The following SSC4D variants were observed in gnomAD, a reference collection of about 807,000 sequenced individuals.
SSC4D encodes the protein scavenger receptor cysteine rich family member with 4 domains.
In SSC4D, 57 loss-of-function variants were observed where a neutral mutation model predicts 63.4. The observed-to-expected ratio is 0.90, with a 90% CI of 0.73 to 1.12. The LOEUF (loss-of-function observed/expected upper bound fraction) is 1.12, where lower values mean the gene tolerates loss of function less well. Among genes scored for constraint, SSC4D ranks in the 50% most tolerant of loss-of-function variants. The pLI is 0.00. For missense variants in SSC4D, 791 were observed against 806.4 expected, an observed-to-expected ratio of 0.98 and a Z score of 0.23; for synonymous variants, 352 against 345.4, an observed-to-expected ratio of 1.02 and a Z score of -0.21.
At chr7:76,390,716 C>G (rs1004406444) in intron 10 of SSC4D, among the ~76,000 whole-genome samples, 1 of 152,200 alleles carries the variant, frequency 6.6e-6, no homozygotes, top group African/African-American at 2.4e-5. Flanking sequence ...ACTTGAGAGG[C>G]TGAGGCAGGA....
intron 10 of SSC4D, among the ~76,000 whole-genome samples, chr7:76,390,828 AAAG>A (rs1804480685): frequency 6.6e-6 from 1 of 151,954 alleles, no homozygotes; most frequent in South Asian, 2.1e-4. Context: ...AAAAAACAAA[AAAG>A]AAGATTGGCG....
chr7:76,390,196 C>T lies in SSC4D; in HGVS notation c.1591G>A (p.Gly531Ser). ...AAPGEAHFGP[G>S]RGPILLDNVK... is the part of the protein sequence containing the mutation. Reference sequence around the variant, plus strand: ...TTGTCCAGGAGAATGGGGCCTCGGCCTGGGCCAAAGTGAGCCTCGCCAGGG... The same window carrying T: ...TTGTCCAGGAGAATGGGGCCTCGGCTTGGGCCAAAGTGAGCCTCGCCAGGG... Residue 531 changes from glycine to serine, a missense_variant, in exon 11 of 11, where the codon GGC becomes AGC. Coordinates refer to ENST00000275560, the MANE Select transcript of SSC4D (RefSeq NM_080744.2). 1 of 1,614,234 alleles carries T rather than the reference C, an allele frequency of 6.2e-7. No homozygotes were observed. The highest frequency in any genetic ancestry group is 1.3e-5 in the African/African-American group (1 of 75,080).
At chr7:76,393,317 G>T in intron 9 of SSC4D, 88 bp downstream of exon 9, 1 of 1,249,818 alleles carries the variant, frequency 8.0e-7, no homozygotes, top group Non-Finnish European at 1.0e-6. Flanking sequence ...AGTGCCGCAA[G>T]AGAGGCCTCG....
intron 10 of SSC4D, among the ~76,000 whole-genome samples, chr7:76,390,768 G>A (rs1804479867): frequency 6.6e-6 from 1 of 152,110 alleles, no homozygotes; most frequent in Admixed American, 6.6e-5. Flanking sequence ...AGTGAGCCGA[G>A]ATCGTGCCAC....
chr7:76,399,820 G>A (rs1160397885), intron 4 of SSC4D, among the ~76,000 whole-genome samples: 1 of 152,056 alleles, frequency 6.6e-6, no homozygotes, highest in Non-Finnish European at 1.5e-5. Flanking sequence ...CACCATGCCC[G>A]GCTGATTGTC....
In SSC4D at chr7:76,400,467, C is replaced by T; in HGVS notation, c.294G>A (p.Gln98=). ...CGGGCAGTGCCAGGCCACAGCCCAG[C>T]TGGCGACACACTACGTTGGCGTCCA... ...DVVDANVVCR[Q]LGCGLALPVP... The change falls in exon 4 of 11, where the codon CAG becomes CAA. Residue 98 remains glutamine (Q), a synonymous_variant. Coordinates refer to ENST00000275560, the MANE Select transcript of SSC4D (RefSeq NM_080744.2). The T allele has an allele frequency of 6.2e-7, 1 of 1,608,466 alleles. No homozygotes were observed. The highest frequency in any genetic ancestry group is 8.5e-7 in the Non-Finnish European group (1 of 1,177,244).
chr7:76,389,663 G>T lies in SSC4D; in HGVS notation c.*396C>A. ...CCCTCTTCTTGGGGATCCCAAGATG[G>T]GTTGGGGGAAGAGGAGATACCCCAT... On this transcript the variant is annotated 3_prime_UTR_variant, in exon 11 of 11. Transcript: ENST00000275560. The T allele has an allele frequency of 5.2e-6, 1 of 192,836 alleles. No individual in the cohort carries two copies. The highest frequency in any genetic ancestry group is 1.1e-5 in the Non-Finnish European group (1 of 92,320). The allele number at this position is 192,836 out of a possible 1,614,324, so 11.9% of individuals were successfully genotyped here.
At position 76,392,061 on chromosome 7, in the gene SSC4D, G is replaced by T. The variant is rs773850995; in HGVS notation, c.1334-20C>A. The T allele has an allele frequency of 1.9e-6, 3 of 1,558,060 alleles. No homozygotes were observed. The East Asian group carries it at 7.2e-5, about 37-fold the overall frequency. On this transcript the variant is annotated intron_variant, in intron 9 of 10. Coordinates refer to ENST00000275560, the MANE Select transcript of SSC4D (RefSeq NM_080744.2). The stretch of plus-strand genomic sequence containing the variant: ...CTGGGCCTGGTTCAGGAAGGACAGA[G>T]ATAAAGAGGTGGCTCTCACAATGGG...
rs1804503892 is a variant in SSC4D, at chr7:76,392,055, G to A, written c.1334-14C>T. The A allele has an allele frequency of 1.3e-6, 2 of 1,561,146 alleles. No individual in the cohort carries two copies. Among genetic ancestry groups the A allele is most frequent in the Middle Eastern group, 1.7e-4 (1 of 5,998 alleles). On this transcript the variant is annotated splice_polypyrimidine_tract_variant and intron_variant, in intron 9 of 10. Transcript: ENST00000275560. ...GCTCCTCTGGGCCTGGTTCAGGAAGGACAGAGATAAAGAGGTGGCTCTCAC... is the reference window on the plus strand; with the variant it reads ...GCTCCTCTGGGCCTGGTTCAGGAAGAACAGAGATAAAGAGGTGGCTCTCAC...
intron 4 of SSC4D, 95 bp from the exon 5 acceptor site, chr7:76,398,892 C>T (rs1467548393): frequency 7.7e-7 from 1 of 1,300,696 alleles, no homozygotes; most frequent in African/African-American, 1.5e-5. Flanking sequence ...CCATAAGGTG[C>T]TTGCCGCCAG....
chr7:76,402,721 G>A (rs1037906700), intron 2 of SSC4D, among the ~76,000 whole-genome samples: 1 of 152,106 alleles, frequency 6.6e-6, no homozygotes, highest in Non-Finnish European at 1.5e-5. Flanking sequence ...CCAGGCTAGA[G>A]TGCAATGGTG....
At chr7:76,399,708 C>T (rs900043406) in intron 4 of SSC4D, among the ~76,000 whole-genome samples, 1 of 151,944 alleles carries the variant, frequency 6.6e-6, no homozygotes, top group Non-Finnish European at 1.5e-5. Flanking sequence ...TCTGATTTTT[C>T]GTAGAGATAA....
rs1271510975 is a variant in SSC4D, at chr7:76,405,339, C to CTTTCTTTCTTTCT, written c.-66-835_-66-834insAGAAAGAAAGAAA. On this transcript the variant is annotated intron_variant, in intron 1 of 10. Transcript: ENST00000275560. ...TATGTATTTTTTTCTTTCTTTCTTT[C>CTTTCTTTCTTTCT]TTTTTTTTTTTTTTTTTTTTTTGGT... Among the ~76,000 whole-genome samples, 79 of 21,384 alleles carry CTTTCTTTCTTTCT rather than the reference C, an allele frequency of 3.7e-3. 11 individuals are homozygous for CTTTCTTTCTTTCT. The highest frequency in any genetic ancestry group is 0.016 in the African/African-American group (76 of 4,724). The allele number at this position is 21,384 out of a possible 152,430, so 14.0% of individuals were successfully genotyped here.
rs767985521 is a variant in SSC4D, at chr7:76,404,307, C to T, written c.133G>A (p.Ala45Thr). 4 of 1,596,766 alleles carry T rather than the reference C, an allele frequency of 2.5e-6. No individual in the cohort carries two copies. Among genetic ancestry groups the T allele is most frequent in the South Asian group, 1.1e-5 (1 of 89,284 alleles). The change falls in exon 2 of 11, where the codon GCC (alanine) becomes ACC (threonine). Residue 45 changes from alanine (A) to threonine (T), a missense_variant and splice_region_variant. Physicochemically the swap from Ala to Thr is moderately conservative, Grantham distance 58. Transcript: ENST00000275560. ...ALSFLLLLPL[A>T]SALQPTPLPF... The stretch of plus-strand genomic sequence containing the variant: ...CAAGGGCTAACAGGGGAGGACTCAC[C>T]CAGTGGCAGGAGGAGAAGGAAAGAC...
intron 6 of SSC4D, among the ~76,000 whole-genome samples, chr7:76,396,007 C>T (rs1469246307): frequency 2.6e-5 from 4 of 152,260 alleles, no homozygotes; most frequent in African/African-American, 9.6e-5. Flanking sequence ...TTATCCCCCT[C>T]TTACAGAGAA....
rs1804937463 is a variant in SSC4D, at chr7:76,404,519, T to C, written c.-66-14A>G. ...CAGTTGGAACATCTGAAATTAAAGA[T>C]CCCAAATGTTGCTGGGCCTCCCAGC... On this transcript the variant is annotated splice_polypyrimidine_tract_variant and intron_variant, in intron 1 of 10. Transcript: ENST00000275560. 1 of 1,606,716 alleles carries C rather than the reference T, an allele frequency of 6.2e-7. No homozygotes were observed. The highest frequency in any genetic ancestry group is 8.5e-7 in the Non-Finnish European group (1 of 1,177,478).
intron 2 of SSC4D, among the ~76,000 whole-genome samples, chr7:76,401,832 C>A (rs1299727913): frequency 2.6e-5 from 4 of 152,190 alleles, no homozygotes; most frequent in Non-Finnish European, 4.4e-5. Flanking sequence ...ATACCCAGGC[C>A]TCTTTCAGGG....
intron 2 of SSC4D, among the ~76,000 whole-genome samples, chr7:76,403,754 C>A (rs1203384453): frequency 6.7e-6 from 1 of 150,100 alleles, no homozygotes; most frequent in African/African-American, 2.5e-5. Flanking sequence ...CTCCACTTCC[C>A]AGGTTCAAGT....
chr7:76,400,150 G>A, intron 4 of SSC4D, 136 bp downstream of exon 4: 1 of 1,002,350 alleles, frequency 1.0e-6, no homozygotes, highest in South Asian at 4.7e-5. Context: ...TTCTTCCCTG[G>A]CACCAGGCAT....
Sources: gnomAD v4.1 joint callset for allele counts (sites outside exome capture counted in the v4.1 genomes callset) on GRCh38, gnomAD v4.1.1 for gene constraint, MANE v1.5 for transcripts, NCBI Gene and HGNC (gene_info 2026-07-23, HGNC 2026-07-21) for gene names.